The following SYT3 variants were observed in gnomAD, a reference collection of about 807,000 sequenced individuals.
SYT3 encodes synaptotagmin 3, also known as synaptotagmin-3.
A neutral mutation model predicts 50.6 loss-of-function variants in SYT3; 25 were observed. That is an observed-to-expected ratio of 0.49 (90% CI 0.36 to 0.69). The LOEUF (loss-of-function observed/expected upper bound fraction) is 0.69. Among genes scored for constraint, SYT3 ranks in the 30% least tolerant of loss-of-function variants. SYT3 has a pLI of 0.00. For missense variants in SYT3, 589 were observed against 793.6 expected, an observed-to-expected ratio of 0.74 and a Z score of 3.10; for synonymous variants, 323 against 353.9, an observed-to-expected ratio of 0.91 and a Z score of 0.98.
At position 50,637,599 on chromosome 19, in the gene SYT3, A is replaced by G; in HGVS notation, c.-15-173T>C. 1 of 579,084 alleles carries G rather than the reference A, an allele frequency of 1.7e-6. No homozygotes were observed. The highest frequency in any genetic ancestry group is 2.9e-5 in the East Asian group (1 of 34,958). 35.9% of individuals were successfully genotyped at this position (579,084 alleles called of 1,614,324 possible). A position where few individuals can be genotyped will look rare whatever the true frequency, so the allele number is the denominator to read the frequency against. ...GATGGAGATTCGAGGAAGAAGGACA[A>G]GGTGACAGGTATTAGGGATGGACAA... On this transcript the variant is annotated intron_variant, in intron 2 of 10. Transcript: ENST00000600079. The surrounding 1 kb of genome is among the most constrained non-coding windows in gnomAD (Gnocchi z 4.9).
chr19:50,641,215 T>C (rs1984669948), upstream of SYT3, among the ~76,000 whole-genome samples: 1 of 138,758 alleles, frequency 7.2e-6, no homozygotes, highest in Non-Finnish European at 1.5e-5. Context: ...AGTCTTGCTC[T>C]GTCGCCCAGG....
Position 50,637,503 on chromosome 19 carries a change from AG to A in SYT3, c.-15-78del, listed in dbSNP as rs1984536591. The stretch of plus-strand genomic sequence containing the variant: ...TGCAGGGTGGGCAGGTGTGGAGATA[AG>A]GGTGGAAAGAGACACCGAGAAAAGG... On this transcript the variant is annotated intron_variant, in intron 2 of 10. Transcript: ENST00000600079. The surrounding 1 kb of genome is among the most constrained non-coding windows in gnomAD (Gnocchi z 4.9). The A allele has an allele frequency of 7.5e-7, 1 of 1,330,210 alleles. No homozygotes were observed. 82.4% of individuals were successfully genotyped at this position (1,330,210 alleles called of 1,614,324 possible). A position where few individuals can be genotyped will look rare whatever the true frequency, so the allele number is the denominator to read the frequency against.
In SYT3 at chr19:50,632,896, A is replaced by G. The variant is rs1984370086; in HGVS notation, c.149-85T>C. ...GCTGTCCCCAAAGAGTTAACCCTTC[A>G]TATTTGCCATGCAATTGTCCATGCA... On this transcript the variant is annotated intron_variant, in intron 3 of 10. Transcript: ENST00000600079. This position sits in a 1 kb window ranked among gnomAD's most constrained non-coding sequence, Gnocchi z 4.7. 3 of 1,171,542 alleles carry G rather than the reference A, an allele frequency of 2.6e-6. No homozygotes were observed. The highest frequency in any genetic ancestry group is 3.1e-5 in the African/African-American group (2 of 64,430). 72.6% of individuals were successfully genotyped at this position (1,171,542 alleles called of 1,614,324 possible). A position where few individuals can be genotyped will look rare whatever the true frequency, so the allele number is the denominator to read the frequency against.
chr19:50,625,595 A>T lies in SYT3; in HGVS notation c.1403-31T>A. On this transcript the variant is annotated intron_variant, in intron 7 of 10. Coordinates refer to ENST00000600079, the MANE Select transcript of SYT3 (RefSeq NM_001160329.2). The surrounding 1 kb of genome is among the most constrained non-coding windows in gnomAD (Gnocchi z 7.5). ...AACAGCAATGAAGTAAGGAACAGAG[A>T]CTCACTCCCTCAGACCTAGGGGTCC... 1 of 1,537,378 alleles carries T rather than the reference A, an allele frequency of 6.5e-7. No homozygotes were observed. Among genetic ancestry groups the T allele is most frequent in the Non-Finnish European group, 8.7e-7 (1 of 1,143,464 alleles).
intron 6 of SYT3, 38 bp downstream of exon 6, chr19:50,629,256 C>A: frequency 6.5e-7 from 1 of 1,536,092 alleles, no homozygotes. Context: ...GGTCTCAGGG[C>A]CCTGGGAAGG....
the SYT3 span, among the ~76,000 whole-genome samples, chr19:50,651,277 G>A: frequency 1.3e-5 from 2 of 152,128 alleles, no homozygotes; most frequent in Admixed American, 1.3e-4. Flanking sequence ...CTTCTCTTTT[G>A]CTCAAAAACC....
chr19:50,644,927 G>A, the SYT3 span, among the ~76,000 whole-genome samples: 1 of 152,108 alleles, frequency 6.6e-6, no homozygotes, highest in Non-Finnish European at 1.5e-5. Flanking sequence ...GGTGGATGTT[G>A]GAGAAATAGA....
At chr19:50,631,606 C>G (rs1984309895) in intron 4 of SYT3, among the ~76,000 whole-genome samples, 1 of 152,128 alleles carries the variant, frequency 6.6e-6, no homozygotes, top group Non-Finnish European at 1.5e-5. Flanking sequence ...CTCCTTTCAC[C>G]TGGAATGCCC....
In SYT3 at chr19:50,625,747, AGGCCCCTGGCCCCTCCTCCCTC is replaced by A; in HGVS notation, c.1402+128_1402+149del. The A allele has an allele frequency of 4.9e-6, 5 of 1,027,476 alleles. No individual in the cohort carries two copies. The highest frequency in any genetic ancestry group is 1.6e-5 in the South Asian group (1 of 62,032). The allele number at this position is 1,027,476 out of a possible 1,614,324, so 63.6% of individuals were successfully genotyped here. A position where few individuals can be genotyped will look rare whatever the true frequency, so the allele number is the denominator to read the frequency against. ...CCTCCTCTCTCCGACCCAGGAGTCCAGGCCCCTGGCCCCTCCTCCCTCAGACCCAGGAGTCCAGATCCCCAGC... is the reference window on the plus strand; with the variant it reads ...CCTCCTCTCTCCGACCCAGGAGTCCAAGACCCAGGAGTCCAGATCCCCAGC... On this transcript the variant is annotated intron_variant, in intron 7 of 10. Transcript: ENST00000600079. This position sits in a 1 kb window ranked among gnomAD's most constrained non-coding sequence, Gnocchi z 7.5.
Position 50,629,975 on chromosome 19 carries a change from A to C in SYT3, c.871T>G (p.Ser291Ala). 6.2e-7 allele frequency: 1 copy of C among 1,613,720 alleles called. No homozygotes were observed. Among genetic ancestry groups the C allele is most frequent in the South Asian group, 1.1e-5 (1 of 91,058 alleles). The change falls in exon 5 of 11, where the codon TCT becomes GCT. Residue 291 changes from serine (S) to alanine (A), a missense_variant. Physicochemically the swap from Ser to Ala is moderately conservative, Grantham distance 99. Around this residue, in one of 2 missense-constraint regions of SYT3, gnomAD observed 273 missense variants for 439.3 expected, o/e 0.62. Coordinates refer to ENST00000600079, the MANE Select transcript of SYT3 (RefSeq NM_001160329.2). ...GGRRSGGGPGSGEAGTGAPCG... is the reference protein window; with the variant it reads ...GGRRSGGGPGAGEAGTGAPCG... The stretch of plus-strand genomic sequence containing the variant: ...GGTGCCCCTGTGCCTGCCTCTCCAG[A>C]GCCTGGGCCCCCACCGCTCCGCCGG...
At chr19:50,626,324 G>A (rs982119021) in intron 6 of SYT3, among the ~76,000 whole-genome samples, 2 of 152,078 alleles carry the variant, frequency 1.3e-5, no homozygotes, top group African/African-American at 4.8e-5. Flanking sequence ...GACTGAGACA[G>A]AAGCCAAAAC....
At chr19:50,656,109 C>A in the SYT3 span, 1 of 1,536,154 alleles carries the variant, frequency 6.5e-7, no homozygotes, top group South Asian at 1.2e-5. Context: ...CCTGGGCAGG[C>A]CCATCAAATC....
chr19:50,650,576 C>T, the SYT3 span, among the ~76,000 whole-genome samples: 1 of 152,256 alleles, frequency 6.6e-6, no homozygotes, highest in South Asian at 2.1e-4. Context: ...GAGGCTGAGG[C>T]AGGAGAATCG....
intron 3 of SYT3, among the ~76,000 whole-genome samples, chr19:50,635,461 C>T (rs747707435): frequency 4.6e-5 from 7 of 152,160 alleles, no homozygotes; most frequent in Admixed American, 3.3e-4. Flanking sequence ...GTTATTTGGG[C>T]GTGGAGAGGT....
At position 50,637,247 on chromosome 19, in the gene SYT3, C is replaced by T. The variant is rs1393997989; in HGVS notation, c.148+17G>A. 2.5e-6 allele frequency: 4 copies of T among 1,608,886 alleles called. No homozygotes were observed. The highest frequency in any genetic ancestry group is 3.4e-6 in the Non-Finnish European group (4 of 1,176,790). On this transcript the variant is annotated intron_variant, in intron 3 of 10. Coordinates refer to ENST00000600079, the MANE Select transcript of SYT3 (RefSeq NM_001160329.2). This position sits in a 1 kb window ranked among gnomAD's most constrained non-coding sequence, Gnocchi z 4.9. ...AGTGCAAGCAGGGGGCTGGCCAAGA[C>T]AGGCAGGGGTGCTGACCTGCATCTG...
rs78175900 is a variant in SYT3 at position 50,625,448 on chromosome 19, C to A, written c.1519G>T (p.Ala507Ser). ...CCCACGTTCTCCACGCTCTCGGGGG[C>A]CACGTCGAACACCAGCGCCTCATTA... ...TYNEALVFDVAPESVENVGLS... is the reference protein window; with the variant it reads ...TYNEALVFDVSPESVENVGLS... Residue 507 changes from alanine (A) to serine (S), a missense_variant, in exon 8 of 11, where the codon GCC becomes TCC. Around this residue, in one of 2 missense-constraint regions of SYT3, gnomAD observed 273 missense variants for 439.3 expected, o/e 0.62. Coordinates refer to ENST00000600079, the MANE Select transcript of SYT3 (RefSeq NM_001160329.2). This position sits in a 1 kb window ranked among gnomAD's most constrained non-coding sequence, Gnocchi z 7.5. 12 of 1,584,110 alleles carry A rather than the reference C, an allele frequency of 7.6e-6. No individual in the cohort carries two copies. The South Asian group carries it at 1.4e-4, about 18-fold the overall frequency.
chr19:50,651,471 T>C, the SYT3 span, among the ~76,000 whole-genome samples: 2 of 152,302 alleles, frequency 1.3e-5, no homozygotes, highest in African/African-American at 2.4e-5. Flanking sequence ...GAAACACACA[T>C]TGCCCTTTAT....
chr19:50,625,476 G>C lies in SYT3; in HGVS notation c.1491C>G (p.Thr497=). ...CGTCGAACACCAGCGCCTCATTATA[G>C]GTGGGGTTCAGCGTGTTCTTCTTGA... ...TSIKKNTLNP[T]YNEALVFDVA... The change falls in exon 8 of 11, where the codon ACC becomes ACG. Residue 497 remains threonine, a synonymous_variant. Coordinates refer to ENST00000600079, the MANE Select transcript of SYT3 (RefSeq NM_001160329.2). The surrounding 1 kb of genome is among the most constrained non-coding windows in gnomAD (Gnocchi z 7.5). The C allele has an allele frequency of 6.2e-7, 1 of 1,607,084 alleles. No individual in the cohort carries two copies. The highest frequency in any genetic ancestry group is 2.2e-5 in the East Asian group (1 of 44,728).
intron 9 of SYT3, among the ~76,000 whole-genome samples, chr19:50,624,034 C>T (rs942953858): frequency 6.6e-6 from 1 of 151,098 alleles, no homozygotes. Context: ...GAGATCATAG[C>T]TCACTGCAGT....
Sources: gnomAD v4.1 joint callset for allele counts (sites outside exome capture counted in the v4.1 genomes callset) on GRCh38, gnomAD v4.1.1 for gene constraint, gnomAD v4.1.1 regional missense constraint, Gnocchi (gnomAD v3.1) non-coding constraint, MANE v1.5 for transcripts, NCBI Gene and HGNC (gene_info 2026-07-23, HGNC 2026-07-21) for gene names.